Variants in FCHSD2 observed in about 807,000 individuals in gnomAD.
The protein encoded by FCHSD2 is F-BAR and double SH3 domains protein 2.
In FCHSD2, 38 loss-of-function variants were observed where a neutral mutation model predicts 108.1. The observed-to-expected ratio is 0.35, with a 90% CI of 0.27 to 0.46. The LOEUF is 0.46. FCHSD2 is among the 20% of genes least tolerant of loss of function. The pLI is 1.00. For synonymous variants in FCHSD2, 279 were observed against 314.7 expected, an observed-to-expected ratio of 0.89 and a Z score of 1.20; for missense variants, 751 against 897.8, an observed-to-expected ratio of 0.84 and a Z score of 2.09.
At chr11:72,978,857 T>TC (rs1423785337) in intron 8 of FCHSD2, among the ~76,000 whole-genome samples, 12 of 144,426 alleles carry the variant, frequency 8.3e-5, no homozygotes, top group South Asian at 2.3e-4. Context: ...GCTCTTTCTT[T>TC]TTTTTTTTTT....
intron 9 of FCHSD2, among the ~76,000 whole-genome samples, chr11:72,916,239 T>C (rs1855870930): frequency 6.6e-6 from 1 of 151,832 alleles, no homozygotes; most frequent in Non-Finnish European, 1.5e-5. Flanking sequence ...AAAAGGTTTA[T>C]CAATTTTGTT....
chr11:72,928,576 T>C (rs1183135888), intron 8 of FCHSD2, among the ~76,000 whole-genome samples: 1 of 152,214 alleles, frequency 6.6e-6, no homozygotes, highest in Admixed American at 6.5e-5. Context: ...TTCCAAGTGC[T>C]TTACAAAACT....
At position 72,963,559 on chromosome 11, in the gene FCHSD2, G is replaced by T. The variant is rs138909479; in HGVS notation, c.705+20529C>A. Among the ~76,000 whole-genome samples, 18 of 152,274 alleles carry T rather than the reference G, an allele frequency of 1.2e-4. No individual in the cohort carries two copies. The East Asian group carries it at 2.1e-3, about 18-fold the overall frequency. On this transcript the variant is annotated intron_variant, in intron 8 of 19. Coordinates refer to ENST00000409418, the MANE Select transcript of FCHSD2 (RefSeq NM_014824.3). ...ACAAGACTGAAAAAAATGTGGATTG[G>T]ATCAGCAGCCCCCAACCTTTTCGGC...
intron 13 of FCHSD2, among the ~76,000 whole-genome samples, chr11:72,865,235 CAGCT>C (rs1277781282): frequency 6.6e-6 from 1 of 152,158 alleles, no homozygotes; most frequent in Admixed American, 6.6e-5. Flanking sequence ...GTTCCTCAGC[CAGCT>C]AGCTGTCAGT....
At chr11:72,862,600 G>A (rs2135193551) in intron 13 of FCHSD2, among the ~76,000 whole-genome samples, 1 of 152,304 alleles carries the variant, frequency 6.6e-6, no homozygotes, top group East Asian at 1.9e-4. Flanking sequence ...AAATGGAGAA[G>A]TATATTATGT....
chr11:73,068,813 TA>T lies in FCHSD2; in HGVS notation c.165+14881del, dbSNP rs1237723120. 2.2e-3 allele frequency among the ~76,000 whole-genome samples: 181 copies of T among 83,008 alleles called. 1 individual carries two copies. The highest frequency in any genetic ancestry group is 3.1e-3 in the Non-Finnish European group (142 of 46,204). 54.5% of individuals were successfully genotyped at this position (83,008 alleles called of 152,430 possible). ...AGTGAGACCTCATCTCTACAAAAAG[TA>T]AAAAAAAAAAAAAAAAAAGAAAAAG... On this transcript the variant is annotated intron_variant, in intron 3 of 19. Coordinates refer to ENST00000409418, the MANE Select transcript of FCHSD2 (RefSeq NM_014824.3).
chr11:73,034,378 G>C (rs1166538780), intron 3 of FCHSD2, among the ~76,000 whole-genome samples: 1 of 152,146 alleles, frequency 6.6e-6, no homozygotes. Flanking sequence ...ATTTGACTTT[G>C]GTAGCACACA....
Position 72,985,050 on chromosome 11 carries a change from T to C in FCHSD2, c.576+12A>G, listed in dbSNP as rs201627189. On this transcript the variant is annotated intron_variant, in intron 7 of 19. Coordinates refer to ENST00000409418, the MANE Select transcript of FCHSD2 (RefSeq NM_014824.3). ...GTTTCTCAGTTGTGAAATACACTTATTGAAAACTTACCTTTACACTTGCCT... is the reference window on the plus strand; with the variant it reads ...GTTTCTCAGTTGTGAAATACACTTACTGAAAACTTACCTTTACACTTGCCT... The C allele has an allele frequency of 1.0e-5, 12 of 1,155,400 alleles. No homozygotes were observed. Among genetic ancestry groups the C allele is most frequent in the African/African-American group, 7.6e-5 (5 of 65,684 alleles). The allele number at this position is 1,155,400 out of a possible 1,614,324, so 71.6% of individuals were successfully genotyped here.
Position 72,867,765 on chromosome 11 carries a change from T to A in FCHSD2, c.1308+100A>T, listed in dbSNP as rs907021654. ...AAAACCTAAATCACTAGCAAACTATTATCTTTTTAAAAAATTTTGGCTATT... is the reference window on the plus strand; with the variant it reads ...AAAACCTAAATCACTAGCAAACTATAATCTTTTTAAAAAATTTTGGCTATT... On this transcript the variant is annotated intron_variant, in intron 13 of 19. Transcript: ENST00000409418. The A allele has an allele frequency of 3.0e-6, 3 of 985,078 alleles. No individual in the cohort carries two copies. In the African/African-American group the frequency reaches 4.9e-5, roughly 16 times the overall value. The allele number at this position is 985,078 out of a possible 1,614,324, so 61.0% of individuals were successfully genotyped here.
At chr11:73,100,334 T>TTTGTTGTTGTTGTTG (rs56104404) in intron 2 of FCHSD2, among the ~76,000 whole-genome samples, 2 of 149,068 alleles carry the variant, frequency 1.3e-5, no homozygotes, top group African/African-American at 4.9e-5. Context: ...TTTACATGCT[T>TTTGTTGTTGTTGTTG]TTGTTGTTGT....
intron 3 of FCHSD2, among the ~76,000 whole-genome samples, chr11:73,073,811 T>A (rs549384770): frequency 4.6e-5 from 7 of 152,276 alleles, no homozygotes; most frequent in African/African-American, 1.7e-4. Flanking sequence ...AATCAAATAA[T>A]AAAAACTGTA....
At chr11:72,897,214 C>T (rs527591234) in intron 10 of FCHSD2, among the ~76,000 whole-genome samples, 2 of 151,664 alleles carry the variant, frequency 1.3e-5, no homozygotes, top group South Asian at 4.1e-4. Context: ...GCTTAGTATC[C>T]TATTTAATTT....
intron 3 of FCHSD2, among the ~76,000 whole-genome samples, chr11:73,033,891 G>A (rs999922131): frequency 3.3e-5 from 5 of 152,068 alleles, no homozygotes; most frequent in Non-Finnish European, 2.9e-5. Context: ...ACTTGAAGTT[G>A]AAACATGATG....
At chr11:73,051,917 C>CA (rs1858912272) in intron 3 of FCHSD2, among the ~76,000 whole-genome samples, 1 of 145,700 alleles carries the variant, frequency 6.9e-6, no homozygotes, top group African/African-American at 2.5e-5. Context: ...ACACACACAC[C>CA]CCACACACAC....
In FCHSD2 at chr11:73,142,078, G is replaced by A; in HGVS notation, c.-201C>T. The A allele has an allele frequency of 1.9e-6, 1 of 525,154 alleles. No homozygotes were observed. The highest frequency in any genetic ancestry group is 3.9e-5 in the Admixed American group (1 of 25,862). 32.5% of individuals were successfully genotyped at this position (525,154 alleles called of 1,614,324 possible). A position where few individuals can be genotyped will look rare whatever the true frequency, so the allele number is the denominator to read the frequency against. ...CAGAGAGCGAGTGTGAGGAGACGAGGGAGGAGCACCGGGAAGGCTTGGGGC... is the reference window on the plus strand; with the variant it reads ...CAGAGAGCGAGTGTGAGGAGACGAGAGAGGAGCACCGGGAAGGCTTGGGGC... On this transcript the variant is annotated 5_prime_UTR_variant, in exon 1 of 20. Transcript: ENST00000409418.
intron 8 of FCHSD2, among the ~76,000 whole-genome samples, chr11:72,961,090 T>C (rs542303509): frequency 2.1e-4 from 32 of 152,320 alleles, no homozygotes; most frequent in Admixed American, 2.6e-4. Context: ...ATCGCCAACA[T>C]TGTGACTTTT....
At chr11:73,100,022 C>T (rs1192800009) in intron 2 of FCHSD2, among the ~76,000 whole-genome samples, 2 of 152,216 alleles carry the variant, frequency 1.3e-5, no homozygotes, top group African/African-American at 2.4e-5. Context: ...TCAACCGCTG[C>T]CTTCCCTGAC....
At chr11:73,053,662 T>G (rs1858955143) in intron 3 of FCHSD2, among the ~76,000 whole-genome samples, 2 of 152,226 alleles carry the variant, frequency 1.3e-5, no homozygotes, top group South Asian at 4.1e-4. Flanking sequence ...ATTAAAATTG[T>G]TAAATATCCA....
At chr11:72,979,120 G>A (rs1857166263) in intron 8 of FCHSD2, among the ~76,000 whole-genome samples, 1 of 152,000 alleles carries the variant, frequency 6.6e-6, no homozygotes, top group East Asian at 1.9e-4. Context: ...GGCCTCCCAA[G>A]GTGCTGGGAT....
Sources: allele counts gnomAD v4.1 joint callset (sites outside exome capture counted in the v4.1 genomes callset), GRCh38; gene constraint gnomAD v4.1.1; transcripts MANE v1.5; gene names NCBI Gene and HGNC (gene_info 2026-07-23, HGNC 2026-07-21).